Variants in POU2F3 observed in about 807,000 individuals in gnomAD.
The protein encoded by POU2F3 is POU domain, class 2, transcription factor 3.
In POU2F3, 23 loss-of-function variants were observed where a neutral mutation model predicts 59.2. That is an observed-to-expected ratio of 0.39 (90% CI 0.28 to 0.55). The LOEUF (loss-of-function observed/expected upper bound fraction) is 0.55. Among genes scored for constraint, POU2F3 ranks in the 20% least tolerant of loss-of-function variants. The probability of loss-of-function intolerance (pLI) is 0.66; values close to 1 mark genes in which losing one functional copy is unlikely to be tolerated. For missense variants in POU2F3, 473 were observed against 544.5 expected, an observed-to-expected ratio of 0.87 and a Z score of 1.31; for synonymous variants, 190 against 214.6, an observed-to-expected ratio of 0.89 and a Z score of 1.00.
Position 120,303,708 on chromosome 11 carries a change from A to G in POU2F3, c.445-1322A>G, listed in dbSNP as rs566631234. 52 of 152,224 alleles carry G rather than the reference A, an allele frequency of 3.4e-4. 1 individual carries two copies. The highest frequency in any genetic ancestry group is 1.0e-4 in the Non-Finnish European group (7 of 68,056). The allele number at this position is 152,224 out of a possible 1,614,324, so 9.4% of individuals were successfully genotyped here. Reference sequence around the variant, plus strand: ...CCAAATTCATGATGGTTTCAGACTAAAAGACCCTTCACTGGGGGAAAGACT... The same window carrying G: ...CCAAATTCATGATGGTTTCAGACTAGAAGACCCTTCACTGGGGGAAAGACT... On this transcript the variant is annotated intron_variant, in intron 6 of 12. Coordinates refer to ENST00000543440, the MANE Select transcript of POU2F3 (RefSeq NM_014352.4).
upstream of POU2F3, chr11:120,236,719 C>A: frequency 4.1e-6 from 6 of 1,476,460 alleles, no homozygotes; most frequent in Non-Finnish European, 5.5e-6. Flanking sequence ...TAAAGGAGTT[C>A]TCTACGTTCC....
intron 3 of POU2F3, among the ~76,000 whole-genome samples, chr11:120,289,038 C>T (rs751847952): frequency 2.6e-5 from 4 of 152,278 alleles, no homozygotes; most frequent in Non-Finnish European, 5.9e-5. Context: ...TCTTAATCTT[C>T]TCTAATCTAA....
chr11:120,246,343 G>T, intron 1 of POU2F3, 106 bp from the exon 2 acceptor site: 1 of 1,142,320 alleles, frequency 8.8e-7, no homozygotes, highest in Non-Finnish European at 1.3e-6. Context: ...AAAGTCTGAT[G>T]GTTGTTGTAA....
In POU2F3 at chr11:120,304,879, A is replaced by T. The variant is rs1419053656; in HGVS notation, c.445-151A>T. On this transcript the variant is annotated intron_variant, in intron 6 of 12. Coordinates refer to ENST00000543440, the MANE Select transcript of POU2F3 (RefSeq NM_014352.4). ...TCCACTTCCATGCCACTGGAAAAAT[A>T]TAAGACTCCAATGTACCCAGGGTGT... 1.1e-5 allele frequency: 6 copies of T among 555,866 alleles called. 1 individual carries two copies. Among genetic ancestry groups the T allele is most frequent in the Non-Finnish European group, 1.8e-5 (6 of 334,758 alleles). 34.4% of individuals were successfully genotyped at this position (555,866 alleles called of 1,614,324 possible). A position where few individuals can be genotyped will look rare whatever the true frequency, so the allele number is the denominator to read the frequency against.
At position 120,305,680 on chromosome 11, in the gene POU2F3, A is replaced by C. The variant is rs769189070; in HGVS notation, c.664A>C (p.Asn222His). ...VGLAMGKLYG[N>H]DFSQTTISRF... ...GCTGGCGATGGGAAAGCTGTATGGC[A>C]ACGACTTCAGCCAGACCACCATCTC... Residue 222 changes from asparagine to histidine, a missense_variant, in exon 8 of 13, where the codon AAC becomes CAC. Asn to His is a moderately conservative substitution (Grantham distance 68). Transcript: ENST00000543440. The C allele has an allele frequency of 1.1e-5, 18 of 1,613,912 alleles. No homozygotes were observed. Among genetic ancestry groups the C allele is most frequent in the Non-Finnish European group, 1.5e-5 (18 of 1,180,038 alleles).
upstream of POU2F3, chr11:120,236,717 T>TTC: frequency 6.8e-7 from 1 of 1,478,026 alleles, no homozygotes; most frequent in African/African-American, 1.4e-5. Context: ...GGTAAAGGAG[T>TTC]TCTCTACGTT....
In POU2F3 at chr11:120,285,413, A is replaced by G. The variant is rs542683495; in HGVS notation, c.133-12852A>G. Among the ~76,000 whole-genome samples, 5 of 152,306 alleles carry G rather than the reference A, an allele frequency of 3.3e-5. No individual in the cohort carries two copies. The East Asian group carries it at 9.6e-4, about 29-fold the overall frequency. ...TGTTTCAGGGCCTGTGTCTGTCCCA[A>G]TCACATGGCAGCCCTTCAATATTTG... On this transcript the variant is annotated intron_variant, in intron 3 of 12. Coordinates refer to ENST00000543440, the MANE Select transcript of POU2F3 (RefSeq NM_014352.4). The surrounding 1 kb of genome is among the most constrained non-coding windows in gnomAD (Gnocchi z 4.3).
At chr11:120,293,565 C>T (rs182549119) in intron 3 of POU2F3, among the ~76,000 whole-genome samples, 299 of 152,312 alleles carry the variant, frequency 2.0e-3, no homozygotes, top group Non-Finnish European at 3.4e-3. Context: ...GAGATGTTCA[C>T]GCTTTGAAAC....
In POU2F3 at chr11:120,287,279, C is replaced by T. The variant is rs183713871; in HGVS notation, c.133-10986C>T. Among the ~76,000 whole-genome samples, 17 of 152,288 alleles carry T rather than the reference C, an allele frequency of 1.1e-4. No individual in the cohort carries two copies. In the East Asian group the frequency reaches 2.7e-3, roughly 24 times the overall value. On this transcript the variant is annotated intron_variant, in intron 3 of 12. Transcript: ENST00000543440. ...GGGAAATCATTTGACTTCTCTGAGA[C>T]TCAATTTCCTATATGCGAGGACTGT...
At chr11:120,236,802 C>G, upstream of POU2F3, 2 of 1,234,106 alleles carry the variant, frequency 1.6e-6, no homozygotes, top group Non-Finnish European at 2.3e-6. Context: ...GCTCACCATT[C>G]CCCCTCAACC....
intron 2 of POU2F3, among the ~76,000 whole-genome samples, chr11:120,255,657 C>T (rs909109616): frequency 4.6e-5 from 7 of 152,226 alleles, no homozygotes; most frequent in South Asian, 2.1e-4. Context: ...TGGCTCCCTT[C>T]CCACCCCATC....
chr11:120,243,756 C>T (rs1351154933), intron 1 of POU2F3, among the ~76,000 whole-genome samples: 1 of 152,190 alleles, frequency 6.6e-6, no homozygotes, highest in Non-Finnish European at 1.5e-5. Flanking sequence ...GGAACAGGTT[C>T]TCAGTGTCTT....
intron 2 of POU2F3, among the ~76,000 whole-genome samples, chr11:120,251,956 A>G (rs1939122818): frequency 6.6e-6 from 1 of 151,462 alleles, no homozygotes; most frequent in Non-Finnish European, 1.5e-5. Flanking sequence ...CACCACACCC[A>G]GCTAATTTTT....
intron 3 of POU2F3, among the ~76,000 whole-genome samples, chr11:120,274,255 G>C (rs1354469768): frequency 6.6e-6 from 1 of 152,110 alleles, no homozygotes; most frequent in African/African-American, 2.4e-5. Context: ...ATCTCCATGT[G>C]CCTCAATCTT....
upstream of POU2F3, among the ~76,000 whole-genome samples, chr11:120,240,037 T>C (rs942280633): frequency 4.6e-5 from 7 of 152,082 alleles, no homozygotes; most frequent in Non-Finnish European, 8.8e-5. Context: ...CCCAGCTCCA[T>C]GTATGCAAAT....
Position 120,299,719 on chromosome 11 carries a change from G to A in POU2F3, c.354G>A (p.Gly118=), listed in dbSNP as rs1400559593. Residue 118 remains glycine, a synonymous_variant, in exon 5 of 13, where the codon GGG becomes GGA. Transcript: ENST00000543440. ...SQFLLSQTQP[G]QQGLQPNLLP... ...TCCTGCTATCTCAGACCCAGCCTGG[G>A]CAGCAAGGTAAGAACCCTGGGGGTT... 9.3e-6 allele frequency: 15 copies of A among 1,611,930 alleles called. No individual in the cohort carries two copies. Among genetic ancestry groups the A allele is most frequent in the Non-Finnish European group, 1.3e-5 (15 of 1,179,708 alleles).
At chr11:120,257,551 C>A (rs1180170783) in intron 2 of POU2F3, among the ~76,000 whole-genome samples, 1 of 152,094 alleles carries the variant, frequency 6.6e-6, no homozygotes, top group Non-Finnish European at 1.5e-5. Context: ...TTGCTCTGTT[C>A]TCAGGGCCTC....
Position 120,286,190 on chromosome 11 carries a change from TA to T in POU2F3, c.133-12074del, listed in dbSNP as rs1466887226. On this transcript the variant is annotated intron_variant, in intron 3 of 12. Coordinates refer to ENST00000543440, the MANE Select transcript of POU2F3 (RefSeq NM_014352.4). ...GTGAGCCACTGCACCTGGCTTGTTC[TA>T]TTGTTTTAACATAATCTTACTTTTC... 2.0e-5 allele frequency among the ~76,000 whole-genome samples: 3 copies of T among 152,334 alleles called. No homozygotes were observed. In the East Asian group the frequency reaches 5.8e-4, roughly 29 times the overall value.
chr11:120,310,184 G>GT (rs1941616987), intron 10 of POU2F3, among the ~76,000 whole-genome samples: 1 of 152,210 alleles, frequency 6.6e-6, no homozygotes, highest in South Asian at 2.1e-4. Context: ...CTGTGTGATG[G>GT]AGGCTTGGCC....
Sources: gnomAD v4.1 joint callset for allele counts (sites outside exome capture counted in the v4.1 genomes callset) on GRCh38, gnomAD v4.1.1 for gene constraint, Gnocchi (gnomAD v3.1) non-coding constraint, MANE v1.5 for transcripts, NCBI Gene and HGNC (gene_info 2026-07-23, HGNC 2026-07-21) for gene names.